The following CDH13 variants were observed in gnomAD, a reference collection of about 807,000 sequenced individuals.
CDH13 encodes the protein cadherin-13.
CDH13 carries 24 observed loss-of-function variants against 63.8 expected under a neutral mutation model. The ratio of observed to expected loss-of-function variants is 0.38; its 90% CI spans 0.27 to 0.53. The LOEUF is 0.53. Ranked by LOEUF, CDH13 falls within the 20% of genes least tolerant of loss-of-function variation. The pLI, the probability that CDH13 is intolerant of heterozygous loss-of-function variation, is 0.85. For synonymous variants in CDH13, 503 were observed against 355.3 expected, an observed-to-expected ratio of 1.42 and a Z score of -4.67; for missense variants, 1,049 against 903.1, an observed-to-expected ratio of 1.16 and a Z score of -2.07.
intron 6 of CDH13, among the ~76,000 whole-genome samples, chr16:83,387,209 C>T (rs985066077): frequency 6.6e-6 from 1 of 152,108 alleles, no homozygotes; most frequent in African/African-American, 2.4e-5. Flanking sequence ...GGTACCCATT[C>T]TTATGCTCAC....
intron 1 of CDH13, among the ~76,000 whole-genome samples, chr16:82,743,946 A>T (rs2034047531): frequency 6.6e-6 from 1 of 152,250 alleles, no homozygotes; most frequent in South Asian, 2.1e-4. Context: ...TCTGGCATGT[A>T]TTAGGCACCT....
chr16:82,959,947 A>G (rs781041749), intron 2 of CDH13, among the ~76,000 whole-genome samples: 1 of 152,234 alleles, frequency 6.6e-6, no homozygotes, highest in South Asian at 2.1e-4. Context: ...TCTGGGTTAT[A>G]TAATTGCATG....
intron 7 of CDH13, among the ~76,000 whole-genome samples, chr16:83,591,775 C>G (rs1906778283): frequency 6.6e-6 from 1 of 152,228 alleles, no homozygotes; most frequent in Non-Finnish European, 1.5e-5. Flanking sequence ...ACTTATATAT[C>G]TTTTATCTTC....
At chr16:83,328,431 C>G (rs760379213) in intron 5 of CDH13, among the ~76,000 whole-genome samples, 9 of 152,134 alleles carry the variant, frequency 5.9e-5, no homozygotes, top group Non-Finnish European at 1.2e-4. Flanking sequence ...ACATCAGGAC[C>G]TTGCAGGCCA....
intron 4 of CDH13, among the ~76,000 whole-genome samples, chr16:83,204,134 C>T (rs1444336404): frequency 6.6e-6 from 1 of 152,236 alleles, no homozygotes; most frequent in Non-Finnish European, 1.5e-5. Flanking sequence ...ATTGGGAGCT[C>T]TTCCATCAGT....
At chr16:83,708,576 G>A (rs1907506424) in intron 10 of CDH13, among the ~76,000 whole-genome samples, 1 of 152,146 alleles carries the variant, frequency 6.6e-6, no homozygotes, top group African/African-American at 2.4e-5. Flanking sequence ...GCTAGGCTAA[G>A]TAACGCCCAC....
intron 2 of CDH13, among the ~76,000 whole-genome samples, chr16:82,927,316 T>C (rs916378418): frequency 6.6e-6 from 1 of 152,292 alleles, no homozygotes; most frequent in Admixed American, 6.5e-5. Context: ...GAGAGTCATG[T>C]CACCATTACC....
chr16:83,249,523 A>G (rs1905281677), intron 5 of CDH13, among the ~76,000 whole-genome samples: 1 of 152,142 alleles, frequency 6.6e-6, no homozygotes, highest in South Asian at 2.1e-4. Flanking sequence ...TATCTCATTT[A>G]ATCCCAATAG....
chr16:83,760,812 G>A (rs982294328), intron 11 of CDH13, among the ~76,000 whole-genome samples: 1 of 152,224 alleles, frequency 6.6e-6, no homozygotes, highest in African/African-American at 2.4e-5. Flanking sequence ...GAGAGAGCAC[G>A]TAGCTAGTCC....
At chr16:82,920,979 C>A (rs372566093) in intron 2 of CDH13, among the ~76,000 whole-genome samples, 3 of 152,138 alleles carry the variant, frequency 2.0e-5, no homozygotes, top group South Asian at 4.1e-4. Flanking sequence ...TTTTCTGCAT[C>A]TTTTGAGATG....
intron 1 of CDH13, among the ~76,000 whole-genome samples, chr16:82,681,336 G>C (rs1334445874): frequency 6.6e-6 from 1 of 152,178 alleles, no homozygotes. Context: ...TGATTGCCAG[G>C]GGCGTGGAGG....
chr16:83,436,964 C>T (rs563922688), intron 6 of CDH13, among the ~76,000 whole-genome samples: 8 of 152,050 alleles, frequency 5.3e-5, no homozygotes, highest in Non-Finnish European at 7.4e-5. Flanking sequence ...ATGTAGGAGA[C>T]TGGGATGGTG....
chr16:82,764,247 C>G (rs1260438984), intron 1 of CDH13, among the ~76,000 whole-genome samples: 2 of 152,176 alleles, frequency 1.3e-5, no homozygotes, highest in Non-Finnish European at 2.9e-5. Context: ...AATTGTCATG[C>G]AGCTCAGAAC....
At chr16:82,726,949 A>G (rs1208846644) in intron 1 of CDH13, among the ~76,000 whole-genome samples, 2 of 152,214 alleles carry the variant, frequency 1.3e-5, no homozygotes, top group Non-Finnish European at 1.5e-5. Flanking sequence ...ACAAAGCAGC[A>G]GGGACCTGTC....
At chr16:83,677,029 A>G (rs1006347882) in intron 9 of CDH13, among the ~76,000 whole-genome samples, 3 of 152,230 alleles carry the variant, frequency 2.0e-5, no homozygotes, top group Non-Finnish European at 4.4e-5. Flanking sequence ...TTCTTGCAAG[A>G]ATACCCATTA....
At chr16:83,012,684 ATTGT>A (rs1402864975) in intron 2 of CDH13, among the ~76,000 whole-genome samples, 1 of 152,198 alleles carries the variant, frequency 6.6e-6, no homozygotes, top group Admixed American at 6.5e-5. Flanking sequence ...TTCCCAGCTA[ATTGT>A]TTGGTTCTAA....
chr16:82,631,280 A>C (rs1293419235), intron 1 of CDH13, among the ~76,000 whole-genome samples: 2 of 152,174 alleles, frequency 1.3e-5, no homozygotes, highest in Non-Finnish European at 2.9e-5. Context: ...CTGGCATTTG[A>C]CTTTGGTTGG....
chr16:82,929,437 T>C (rs1432249761), intron 2 of CDH13, among the ~76,000 whole-genome samples: 2 of 151,500 alleles, frequency 1.3e-5, no homozygotes, highest in East Asian at 3.9e-4. Context: ...GGTCAGGAGA[T>C]CGAGACCATC....
At chr16:83,733,117 G>A (rs1190029009) in intron 10 of CDH13, among the ~76,000 whole-genome samples, 1 of 152,218 alleles carries the variant, frequency 6.6e-6, no homozygotes, top group African/African-American at 2.4e-5. Flanking sequence ...AGAATACTGG[G>A]AAGATAGAAG....
Sources: gnomAD v4.1 joint callset for allele counts (sites outside exome capture counted in the v4.1 genomes callset) on GRCh38, gnomAD v4.1.1 for gene constraint, MANE v1.5 for transcripts, NCBI Gene and HGNC (gene_info 2026-07-23, HGNC 2026-07-21) for gene names.